Variants in ATP5MC2 observed in about 807,000 individuals in gnomAD.
The protein encoded by ATP5MC2 is ATP synthase F(0) complex subunit C2, mitochondrial.
A neutral mutation model predicts 13.5 loss-of-function variants in ATP5MC2; 11 were observed. The observed-to-expected ratio is 0.81, with a 90% CI of 0.51 to 1.35. The LOEUF (loss-of-function observed/expected upper bound fraction) is 1.35. ATP5MC2 is among the 40% of genes most tolerant of loss of function. ATP5MC2 has a pLI of 0.00. For missense variants in ATP5MC2, 132 were observed against 175.0 expected (o/e 0.75, Z 1.39); for synonymous variants, 64 against 69.7 (o/e 0.92, Z 0.41).
chr12:53,668,005 T>C (rs1210425805), intron 4 of ATP5MC2, among the ~76,000 whole-genome samples: 2 of 104,352 alleles, frequency 1.9e-5, no homozygotes, highest in Non-Finnish European at 4.3e-5. Context: ...AAATTTTTTT[T>C]TTTTTGATGG....
upstream of ATP5MC2, among the ~76,000 whole-genome samples, chr12:53,680,946 G>A (rs1039108389): frequency 1.3e-5 from 2 of 151,886 alleles, no homozygotes; most frequent in African/African-American, 2.4e-5. Context: ...TGCTCTTGTC[G>A]CCCATGCTGG....
Position 53,665,567 on chromosome 12 carries a change from T to G in ATP5MC2, c.312-139A>C, listed in dbSNP as rs923011270. On this transcript the variant is annotated intron_variant, in intron 4 of 4. Coordinates refer to ENST00000394349, the MANE Select transcript of ATP5MC2 (RefSeq NM_005176.7). ...AGAAGCTTTTAGGGTAACACCATCA[T>G]GCCCAAATTCTTGCCCTGATTCCCC... 6.8e-6 allele frequency: 5 copies of G among 730,210 alleles called. No individual in the cohort carries two copies. The South Asian group carries it at 6.9e-5, about 10-fold the overall frequency. 45.2% of individuals were successfully genotyped at this position (730,210 alleles called of 1,614,324 possible). A position where few individuals can be genotyped will look rare whatever the true frequency, so the allele number is the denominator to read the frequency against.
At chr12:53,667,503 A>T (rs955366644) in intron 4 of ATP5MC2, among the ~76,000 whole-genome samples, 100 of 148,770 alleles carry the variant, frequency 6.7e-4, no homozygotes, top group African/African-American at 2.4e-3. Context: ...ATGCGAAACT[A>T]TTTTTTTTTT....
upstream of ATP5MC2, chr12:53,677,193 C>G (rs1945298560): frequency 6.5e-6 from 1 of 153,008 alleles, no homozygotes; most frequent in Non-Finnish European, 1.5e-5. Flanking sequence ...CGCCCCCTCC[C>G]GGCTCCCGGG....
upstream of ATP5MC2, chr12:53,676,363 C>G (rs546463708): frequency 4.4e-6 from 4 of 911,458 alleles, no homozygotes; most frequent in Admixed American, 3.1e-5. Flanking sequence ...GGATCTCGGA[C>G]TTGCGTCCCC....
chr12:53,670,424 C>T (rs867129843), intron 2 of ATP5MC2, among the ~76,000 whole-genome samples: 16 of 152,180 alleles, frequency 1.1e-4, no homozygotes, highest in African/African-American at 3.9e-4. Flanking sequence ...CTTACACTAG[C>T]TTACATTAGC....
Position 53,665,193 on chromosome 12 carries a change from G to A in ATP5MC2, c.*121C>T, listed in dbSNP as rs1944877245. ...CATCTTATTAATACAGTATTTATTT[G>A]TCTTTTCTCTGTCAAACCCTGAGCC... On this transcript the variant is annotated 3_prime_UTR_variant, in exon 5 of 5. Transcript: ENST00000394349. The A allele has an allele frequency of 5.9e-6, 4 of 677,590 alleles. No individual in the cohort carries two copies. Among genetic ancestry groups the A allele is most frequent in the African/African-American group, 1.8e-5 (1 of 55,060 alleles). 42.0% of individuals were successfully genotyped at this position (677,590 alleles called of 1,614,324 possible).
chr12:53,680,505 G>A (rs1363272664), upstream of ATP5MC2, among the ~76,000 whole-genome samples: 1 of 152,094 alleles, frequency 6.6e-6, no homozygotes, highest in East Asian at 1.9e-4. Flanking sequence ...AATAGTCAAG[G>A]GGGCAACATA....
At chr12:53,667,641 C>A (rs1944955496) in intron 4 of ATP5MC2, among the ~76,000 whole-genome samples, 1 of 151,924 alleles carries the variant, frequency 6.6e-6, no homozygotes. Context: ...GGATTACAGG[C>A]ATCTGCCACC....
chr12:53,678,339 G>A (rs974094020), upstream of ATP5MC2, among the ~76,000 whole-genome samples: 8 of 146,482 alleles, frequency 5.5e-5, no homozygotes, highest in Admixed American at 1.4e-4. Context: ...AATCATCATC[G>A]TCACCACCAC....
upstream of ATP5MC2, chr12:53,676,442 G>A (rs1593061307): frequency 2.0e-6 from 1 of 495,108 alleles, no homozygotes; most frequent in Non-Finnish European, 3.6e-6. Context: ...GTTAACATAC[G>A]GTCGGGATTG....
intron 3 of ATP5MC2, 141 bp from the exon 4 acceptor site, chr12:53,669,482 A>T (rs1565626284): frequency 7.0e-7 from 1 of 1,424,434 alleles, no homozygotes; most frequent in Admixed American, 2.9e-5. Flanking sequence ...TGGCAAGTAG[A>T]ACCTTTTAAC....
intron 4 of ATP5MC2, among the ~76,000 whole-genome samples, chr12:53,667,987 A>ATATATATATATATATATG (rs1944980351): frequency 1.7e-5 from 1 of 57,184 alleles, no homozygotes; most frequent in Non-Finnish European, 3.3e-5. Context: ...ATATATATAT[A>ATATATATATATATATATG]TATATATAAA....
intron 4 of ATP5MC2, 69 bp downstream of exon 4, chr12:53,669,079 G>A (rs1945016280): frequency 7.8e-6 from 12 of 1,533,332 alleles, no homozygotes; most frequent in Middle Eastern, 1.8e-4. Context: ...TATAGTTCTA[G>A]ACCCCCAAAT....
At chr12:53,672,133 A>C (rs914218227) in intron 2 of ATP5MC2, among the ~76,000 whole-genome samples, 1 of 148,924 alleles carries the variant, frequency 6.7e-6, no homozygotes, top group African/African-American at 2.5e-5. Flanking sequence ...GATATGGGGC[A>C]GGAGAGTATC....
chr12:53,667,543 C>T (rs1944951265), intron 4 of ATP5MC2, among the ~76,000 whole-genome samples: 1 of 151,994 alleles, frequency 6.6e-6, no homozygotes, highest in African/African-American at 2.4e-5. Flanking sequence ...TTTGCCCAGG[C>T]TGGAGTGCAG....
Position 53,672,517 on chromosome 12 carries a change from G to A in ATP5MC2, c.39+59C>T, listed in dbSNP as rs1865252733. The A allele has an allele frequency of 3.4e-6, 5 of 1,487,246 alleles. No homozygotes were observed. In the South Asian group the frequency reaches 3.6e-5, roughly 11 times the overall value. The allele number at this position is 1,487,246 out of a possible 1,614,324, so 92.1% of individuals were successfully genotyped here. On this transcript the variant is annotated intron_variant, in intron 2 of 4. Coordinates refer to ENST00000394349, the MANE Select transcript of ATP5MC2 (RefSeq NM_005176.7). ...CTTGCTGTGAAGAACAAGGTCTGAT[G>A]GAAAGAGAGAGACAAGATGTCTCTC...
intron 2 of ATP5MC2, among the ~76,000 whole-genome samples, chr12:53,670,898 C>T (rs906238238): frequency 6.6e-6 from 1 of 152,048 alleles, no homozygotes; most frequent in South Asian, 2.1e-4. Context: ...GCTGGGATTA[C>T]AGGCATGAGC....
upstream of ATP5MC2, among the ~76,000 whole-genome samples, chr12:53,678,340 TCACCACCAC>T (rs374475099): frequency 4.4e-4 from 66 of 151,440 alleles, no homozygotes; most frequent in Non-Finnish European, 2.2e-4. Context: ...ATCATCATCG[TCACCACCAC>T]CACCACCACC....
Sources: allele counts gnomAD v4.1 joint callset (sites outside exome capture counted in the v4.1 genomes callset), GRCh38; gene constraint gnomAD v4.1.1; transcripts MANE v1.5; gene names NCBI Gene and HGNC (gene_info 2026-07-23, HGNC 2026-07-21).